The following EFCAB6 variants were observed in gnomAD, a reference collection of about 807,000 sequenced individuals.
EFCAB6 encodes the protein EF-hand calcium-binding domain-containing protein 6.
EFCAB6 carries 156 observed loss-of-function variants against 169.8 expected under a neutral mutation model. The observed-to-expected ratio is 0.92, with a 90% CI of 0.81 to 1.05. The LOEUF (loss-of-function observed/expected upper bound fraction) is 1.05, where lower values mean the gene tolerates loss of function less well. EFCAB6 is among the 50% of genes least tolerant of loss of function. The pLI, the probability that EFCAB6 is intolerant of heterozygous loss-of-function variation, is 0.00. For synonymous variants in EFCAB6, 698 were observed against 676.4 expected, an observed-to-expected ratio of 1.03 and a Z score of -0.50; for missense variants, 1,800 against 1,829.1, an observed-to-expected ratio of 0.98 and a Z score of 0.29.
intron 21 of EFCAB6, among the ~76,000 whole-genome samples, chr22:43,612,322 C>CTAATT (rs2053371345): frequency 1.3e-5 from 2 of 152,120 alleles, no homozygotes; most frequent in Non-Finnish European, 1.5e-5. Flanking sequence ...TTAGATTTGA[C>CTAATT]AGCTTCTGCA....
chr22:43,613,083 A>G (rs907007548), intron 21 of EFCAB6, among the ~76,000 whole-genome samples: 1 of 148,852 alleles, frequency 6.7e-6, no homozygotes. Context: ...TATATGCCCA[A>G]AGAAATATAA....
chr22:43,632,090 A>C lies in EFCAB6; in HGVS notation c.2232+15T>G. ...GAGGCCTAGAGAAGCCCAGCGCCAG[A>C]CAGTCACGGTTTACCCGGAATGACT... On this transcript the variant is annotated intron_variant, in intron 19 of 31. Coordinates refer to ENST00000262726, the MANE Select transcript of EFCAB6 (RefSeq NM_022785.4). 4 of 1,612,846 alleles carry C rather than the reference A, an allele frequency of 2.5e-6. No homozygotes were observed. The highest frequency in any genetic ancestry group is 2.5e-6 in the Non-Finnish European group (3 of 1,179,210).
chr22:43,565,141 G>A (rs1369302555), intron 26 of EFCAB6, among the ~76,000 whole-genome samples: 1 of 152,254 alleles, frequency 6.6e-6, no homozygotes, highest in Non-Finnish European at 1.5e-5. Flanking sequence ...ATGGAAGGAT[G>A]AAGGAGCATT....
At chr22:43,745,514 A>C (rs1210809902) in intron 6 of EFCAB6, among the ~76,000 whole-genome samples, 6 of 152,146 alleles carry the variant, frequency 3.9e-5, no homozygotes, top group Admixed American at 3.9e-4. Context: ...CAGGAACCGC[A>C]TCCCACCCGC....
Position 43,720,499 on chromosome 22 carries a change from A to G in EFCAB6, c.758-3527T>C, listed in dbSNP as rs189761497. Among the ~76,000 whole-genome samples, 77 of 152,166 alleles carry G rather than the reference A, an allele frequency of 5.1e-4. 1 individual carries two copies. The highest frequency in any genetic ancestry group is 1.8e-3 in the African/African-American group (75 of 41,520). ...TGCGCTCCAGCCTGGGTGACAGAGC[A>G]AGACCCTGTCTCTAAAAAATAAAAT... On this transcript the variant is annotated intron_variant, in intron 8 of 31. Transcript: ENST00000262726.
chr22:43,609,864 A>C (rs1430682068), intron 21 of EFCAB6, among the ~76,000 whole-genome samples: 1 of 152,232 alleles, frequency 6.6e-6, no homozygotes. Context: ...CAAGCTGATC[A>C]GGGGAACAGA....
At chr22:43,699,949 C>T (rs1043000401) in intron 10 of EFCAB6, among the ~76,000 whole-genome samples, 1 of 152,204 alleles carries the variant, frequency 6.6e-6, no homozygotes, top group Non-Finnish European at 1.5e-5. Context: ...GATGTATGAT[C>T]TCCGGCGAAT....
At chr22:43,735,658 AG>A (rs1030047970) in intron 7 of EFCAB6, among the ~76,000 whole-genome samples, 198 bp downstream of exon 7, 2 of 152,202 alleles carry the variant, frequency 1.3e-5, no homozygotes, top group African/African-American at 4.8e-5. Flanking sequence ...GAGAACCATT[AG>A]CTCTCATTTT....
chr22:43,737,817 ACACT>A (rs1004762679), intron 6 of EFCAB6, among the ~76,000 whole-genome samples: 31 of 148,198 alleles, frequency 2.1e-4, no homozygotes, highest in African/African-American at 4.9e-4. Flanking sequence ...ATACTCACAC[ACACT>A]CACACCATTA....
Position 43,540,188 on chromosome 22 carries a change from G to A in EFCAB6, c.3818C>T (p.Ser1273Phe). 1 of 1,614,216 alleles carries A rather than the reference G, an allele frequency of 6.2e-7. No homozygotes were observed. The highest frequency in any genetic ancestry group is 8.5e-7 in the Non-Finnish European group (1 of 1,180,048). The change falls in exon 28 of 32, where the codon TCT (serine) becomes TTT (phenylalanine). Residue 1273 changes from serine (S) to phenylalanine (F), a missense_variant. Physicochemically the swap from Ser to Phe is radical, Grantham distance 155. Transcript: ENST00000262726. ...SVPDVSEGTR[S>F]ALSLPTQELR... ...CTCCTGAGTGGGCAATGAGAGGGCAGATCTGGTGCCTTCCGAGACGTCAGG... is the reference window on the plus strand; with the variant it reads ...CTCCTGAGTGGGCAATGAGAGGGCAAATCTGGTGCCTTCCGAGACGTCAGG...
chr22:43,750,711 G>T (rs2060727613), intron 6 of EFCAB6, among the ~76,000 whole-genome samples: 1 of 152,100 alleles, frequency 6.6e-6, no homozygotes, highest in Non-Finnish European at 1.5e-5. Flanking sequence ...TAAAATTAAG[G>T]TGTGTTTATG....
chr22:43,571,003 A>C (rs896868118), intron 26 of EFCAB6, among the ~76,000 whole-genome samples: 1 of 152,232 alleles, frequency 6.6e-6, no homozygotes, highest in African/African-American at 2.4e-5. Flanking sequence ...TTAACAAAGC[A>C]GTATGAGGAA....
intron 26 of EFCAB6, 152 bp from the exon 27 acceptor site, chr22:43,555,248 G>C (rs973821736): frequency 1.3e-6 from 1 of 750,258 alleles, no homozygotes; most frequent in Non-Finnish European, 2.2e-6. Context: ...GGTTCAGGCA[G>C]CCTCCAGCCC....
At chr22:43,568,596 A>G (rs905220534) in intron 26 of EFCAB6, among the ~76,000 whole-genome samples, 32 of 152,240 alleles carry the variant, frequency 2.1e-4, no homozygotes, top group African/African-American at 7.7e-4. Context: ...CAGGGGAATG[A>G]GGCGGGAGTG....
intron 9 of EFCAB6, 26 bp from the exon 10 acceptor site, chr22:43,711,649 G>A (rs1372345228): frequency 7.0e-6 from 11 of 1,566,892 alleles, no homozygotes; most frequent in African/African-American, 2.8e-5. Context: ...ATTAGAGTGT[G>A]GCGTTCATAA....
Position 43,744,891 on chromosome 22 carries a change from G to A in EFCAB6, c.508-8898C>T, listed in dbSNP as rs570212159. On this transcript the variant is annotated intron_variant, in intron 6 of 31. Transcript: ENST00000262726. The surrounding 1 kb of genome is among the most constrained non-coding windows in gnomAD (Gnocchi z 4.3). ...GCCCTACCCACTCCAGGGCCCTCGG[G>A]CTTGGAGGAGCTGAGAAGGGCGTGC... 3.0e-4 allele frequency among the ~76,000 whole-genome samples: 45 copies of A among 152,266 alleles called. No individual in the cohort carries two copies. The South Asian group carries it at 8.9e-3, about 30-fold the overall frequency.
At chr22:43,546,550 G>C (rs956865338) in intron 27 of EFCAB6, among the ~76,000 whole-genome samples, 1 of 152,166 alleles carries the variant, frequency 6.6e-6, no homozygotes, top group Non-Finnish European at 1.5e-5. Context: ...ACCCAGAAAA[G>C]TTACCTTGTG....
chr22:43,711,629 A>G lies in EFCAB6; in HGVS notation c.883-6T>C, dbSNP rs751774712. On this transcript the variant is annotated splice_region_variant and splice_polypyrimidine_tract_variant and intron_variant, in intron 9 of 31. Transcript: ENST00000262726. ...TTTTCATAAGACTTCGAAAGCTGCAATAAATTGAAATTAGAGTGTGGCGTT... is the reference window on the plus strand; with the variant it reads ...TTTTCATAAGACTTCGAAAGCTGCAGTAAATTGAAATTAGAGTGTGGCGTT... 6.3e-7 allele frequency: 1 copy of G among 1,576,626 alleles called. No homozygotes were observed. Among genetic ancestry groups the G allele is most frequent in the African/African-American group, 1.4e-5 (1 of 72,208 alleles).
intron 2 of EFCAB6, among the ~76,000 whole-genome samples, chr22:43,783,805 C>A (rs1383018694): frequency 6.6e-6 from 1 of 152,130 alleles, no homozygotes; most frequent in Non-Finnish European, 1.5e-5. Flanking sequence ...TCTCTGTAAT[C>A]CCAGCATTTT....
Sources: gnomAD v4.1 joint callset for allele counts (sites outside exome capture counted in the v4.1 genomes callset) on GRCh38, gnomAD v4.1.1 for gene constraint, Gnocchi (gnomAD v3.1) non-coding constraint, MANE v1.5 for transcripts, NCBI Gene and HGNC (gene_info 2026-07-23, HGNC 2026-07-21) for gene names.